The following REC114 variants were observed in gnomAD, a reference collection of about 807,000 sequenced individuals.
REC114 encodes meiotic recombination protein REC114.
In REC114, 27 loss-of-function variants were observed where a neutral mutation model predicts 31.3. The ratio of observed to expected loss-of-function variants is 0.86; its 90% CI spans 0.64 to 1.19. REC114 has a LOEUF of 1.19. Ranked by LOEUF, REC114 falls within the 50% of genes most tolerant of loss-of-function variation. REC114 has a pLI of 0.00. For synonymous variants in REC114, 134 were observed against 127.7 expected (o/e 1.05, Z -0.33); for missense variants, 344 against 326.9 (o/e 1.05, Z -0.40).
intron 2 of REC114, among the ~76,000 whole-genome samples, chr15:73,485,328 T>C (rs1893350313): frequency 6.6e-6 from 1 of 152,110 alleles, no homozygotes; most frequent in Non-Finnish European, 1.5e-5. Context: ...GTGATCTGCC[T>C]GCTTCAGCCT....
At chr15:73,452,986 G>T (rs1451925477) in intron 1 of REC114, among the ~76,000 whole-genome samples, 4 of 152,154 alleles carry the variant, frequency 2.6e-5, no homozygotes, top group South Asian at 2.1e-4. Flanking sequence ...ATCAACTCAA[G>T]ATGGATTAAA....
At chr15:73,556,140 C>G (rs1042127264) in intron 4 of REC114, among the ~76,000 whole-genome samples, 162 bp from the exon 5 acceptor site, 1 of 152,184 alleles carries the variant, frequency 6.6e-6, no homozygotes, top group South Asian at 2.1e-4. Flanking sequence ...CTCAAGTAAC[C>G]CTCCGTTTAA....
chr15:73,547,311 C>T (rs924795436), intron 3 of REC114, among the ~76,000 whole-genome samples: 14 of 152,106 alleles, frequency 9.2e-5, no homozygotes, highest in Non-Finnish European at 1.5e-5. Context: ...CATCACTGAT[C>T]ATCAGAGAAA....
rs137966614 is a variant in REC114, at chr15:73,470,690, G to T, written c.160-3142G>T. On this transcript the variant is annotated intron_variant, in intron 1 of 5. Transcript: ENST00000331090. ...TAGTAACAAGTAAATATAACAAAGT[G>T]GTAAGAGCTATGGATAAAAATAAAG... is the stretch of plus-strand genomic sequence containing the variant. Among the ~76,000 whole-genome samples, 307 of 152,278 alleles carry T rather than the reference G, an allele frequency of 2.0e-3. 1 individual carries two copies. Among genetic ancestry groups the T allele is most frequent in the African/African-American group, 7.2e-3 (300 of 41,558 alleles).
intron 1 of REC114, among the ~76,000 whole-genome samples, chr15:73,447,857 G>T (rs148349895): frequency 6.6e-6 from 1 of 152,036 alleles, no homozygotes; most frequent in Non-Finnish European, 1.5e-5. Flanking sequence ...CCGAAGCAGG[G>T]TGGGGCATCA....
intron 2 of REC114, among the ~76,000 whole-genome samples, chr15:73,504,532 C>G (rs765128195): frequency 5.9e-5 from 9 of 152,106 alleles, no homozygotes; most frequent in Non-Finnish European, 1.2e-4. Flanking sequence ...CCTAGCCCCT[C>G]CTTCCTGCCC....
At chr15:73,514,478 C>A (rs1893830979) in intron 2 of REC114, among the ~76,000 whole-genome samples, 1 of 152,132 alleles carries the variant, frequency 6.6e-6, no homozygotes, top group African/African-American at 2.4e-5. Context: ...CCCGCCACAG[C>A]ACAGTTTCTA....
intron 2 of REC114, among the ~76,000 whole-genome samples, chr15:73,521,643 GA>G (rs1368224254): frequency 6.6e-6 from 1 of 152,088 alleles, no homozygotes; most frequent in Non-Finnish European, 1.5e-5. Flanking sequence ...TGAAAAGGGG[GA>G]TATCACTGTA....
At chr15:73,465,084 G>T (rs560678869) in intron 1 of REC114, among the ~76,000 whole-genome samples, 1 of 152,244 alleles carries the variant, frequency 6.6e-6, no homozygotes, top group East Asian at 1.9e-4. Context: ...TAGAGACAGG[G>T]TTTTGCCATC....
intron 2 of REC114, among the ~76,000 whole-genome samples, chr15:73,484,327 C>T (rs1893337108): frequency 6.6e-6 from 1 of 152,008 alleles, no homozygotes. Context: ...TCCCCAGTCA[C>T]CCTTATATAT....
intron 2 of REC114, among the ~76,000 whole-genome samples, chr15:73,505,251 T>C (rs1893659265): frequency 6.6e-6 from 1 of 152,236 alleles, no homozygotes; most frequent in African/African-American, 2.4e-5. Context: ...TTAAACCTTT[T>C]CTATAATTTA....
chr15:73,522,460 A>G (rs960261317), intron 2 of REC114, among the ~76,000 whole-genome samples: 2 of 152,188 alleles, frequency 1.3e-5, no homozygotes, highest in African/African-American at 4.8e-5. Flanking sequence ...CCTTCTCTAT[A>G]AATATTCCCC....
intron 3 of REC114, among the ~76,000 whole-genome samples, chr15:73,543,536 T>C (rs1301462193): frequency 2.0e-5 from 3 of 151,978 alleles, no homozygotes; most frequent in Non-Finnish European, 2.9e-5. Context: ...TCCATGTTGG[T>C]CAGGCTGGTC....
chr15:73,552,693 T>C lies in REC114; in HGVS notation c.546+1543T>C, dbSNP rs1214117072. On this transcript the variant is annotated intron_variant, in intron 4 of 5. Transcript: ENST00000331090. ...ACCTACCTCTGTTCTTGAGATGAGATACTACTTTCAAGCTGGGTTTTGCAT... is the reference window on the plus strand; with the variant it reads ...ACCTACCTCTGTTCTTGAGATGAGACACTACTTTCAAGCTGGGTTTTGCAT... Among the ~76,000 whole-genome samples, 4 of 152,238 alleles carry C rather than the reference T, an allele frequency of 2.6e-5. No homozygotes were observed. The East Asian group carries it at 7.7e-4, about 29-fold the overall frequency.
intron 1 of REC114, among the ~76,000 whole-genome samples, chr15:73,464,140 T>G (rs928803741): frequency 2.0e-5 from 3 of 152,100 alleles, no homozygotes; most frequent in Non-Finnish European, 2.9e-5. Context: ...TTGCTCCGTG[T>G]ATCTTGTTAC....
At chr15:73,543,414 C>T (rs891895716) in intron 3 of REC114, among the ~76,000 whole-genome samples, 2 of 152,080 alleles carry the variant, frequency 1.3e-5, no homozygotes, top group African/African-American at 4.8e-5. Flanking sequence ...CTCACTGCAA[C>T]CTCCTCCCGT....
At chr15:73,557,414 TAAAAAAA>T (rs767116205) in intron 5 of REC114, among the ~76,000 whole-genome samples, 164 of 113,190 alleles carry the variant, frequency 1.4e-3, no homozygotes, top group Middle Eastern at 4.8e-3. Context: ...ATCAGTAGTT[TAAAAAAA>T]AAAAAAAAAA....
chr15:73,477,257 A>G (rs2141294981), intron 2 of REC114, among the ~76,000 whole-genome samples: 1 of 152,294 alleles, frequency 6.6e-6, no homozygotes, highest in Admixed American at 6.5e-5. Context: ...TTTTATCAGA[A>G]ATGTGTTCTT....
chr15:73,475,979 G>A (rs1417008714), intron 2 of REC114, among the ~76,000 whole-genome samples: 2 of 152,046 alleles, frequency 1.3e-5, no homozygotes, highest in African/African-American at 2.4e-5. Context: ...TTAGTGTTAC[G>A]GTTGCCTACA....
Sources: allele counts gnomAD v4.1 joint callset (sites outside exome capture counted in the v4.1 genomes callset), GRCh38; gene constraint gnomAD v4.1.1; transcripts MANE v1.5; gene names NCBI Gene and HGNC (gene_info 2026-07-23, HGNC 2026-07-21).